Variants in SANBR observed in about 807,000 individuals in gnomAD.
The protein encoded by SANBR is SANT and BTB domain regulator of CSR.
SANBR carries 77 observed loss-of-function variants against 101.8 expected under a neutral mutation model. The ratio of observed to expected loss-of-function variants is 0.76; its 90% CI spans 0.63 to 0.91. SANBR has a LOEUF of 0.91. SANBR is among the 40% of genes least tolerant of loss of function. SANBR has a pLI of 0.00. For missense variants in SANBR, 875 were observed against 853.0 expected (o/e 1.03, Z -0.32); for synonymous variants, 279 against 274.7 (o/e 1.02, Z -0.15).
At chr2:61,131,205 G>T (rs958792727) in intron 20 of SANBR, among the ~76,000 whole-genome samples, 1 of 152,016 alleles carries the variant, frequency 6.6e-6, no homozygotes, top group Non-Finnish European at 1.5e-5. Flanking sequence ...AGCCAGAGCA[G>T]TTGGGCCCAA....
At chr2:61,096,899 A>G (rs1683056676) in intron 11 of SANBR, among the ~76,000 whole-genome samples, 1 of 152,210 alleles carries the variant, frequency 6.6e-6, no homozygotes, top group Non-Finnish European at 1.5e-5. Flanking sequence ...CACGCCTGTA[A>G]TCCCAGCACT....
At chr2:61,121,522 T>G in intron 21 of SANBR, 1 of 328,990 alleles carries the variant, frequency 3.0e-6, no homozygotes, top group Non-Finnish European at 5.7e-6. Context: ...CTGAGCCAAC[T>G]CCTGATAAAA....
chr2:61,081,320 C>T, intron 6 of SANBR, 132 bp from the exon 7 acceptor site: 1 of 857,988 alleles, frequency 1.2e-6, no homozygotes, highest in Non-Finnish European at 1.7e-6. Flanking sequence ...TGTATCTAAC[C>T]CATAAGCTAT....
chr2:61,125,106 A>T (rs185753760), downstream of SANBR, among the ~76,000 whole-genome samples: 1 of 152,296 alleles, frequency 6.6e-6, no homozygotes, highest in Admixed American at 6.5e-5. Flanking sequence ...TTTAAAGCTG[A>T]TCTATTGGGG....
intron 1 of SANBR, among the ~76,000 whole-genome samples, chr2:61,068,574 A>C (rs1681299642): frequency 6.6e-6 from 1 of 152,188 alleles, no homozygotes; most frequent in East Asian, 1.9e-4. Flanking sequence ...AGACCATTGG[A>C]GCCATAGGTT....
chr2:61,136,024 G>T (rs143589083), intron 21 of SANBR, among the ~76,000 whole-genome samples: 1 of 152,314 alleles, frequency 6.6e-6, no homozygotes, highest in East Asian at 1.9e-4. Flanking sequence ...AAAAATCAAG[G>T]TTGGGCGCAT....
intron 21 of SANBR, 121 bp downstream of exon 21, chr2:61,121,397 G>T: frequency 1.7e-6 from 1 of 580,028 alleles, no homozygotes; most frequent in East Asian, 3.2e-5. Context: ...TTGTTTCAAT[G>T]ATTATATTAT....
chr2:61,097,141 G>A (rs760811299), intron 11 of SANBR, among the ~76,000 whole-genome samples: 2 of 152,134 alleles, frequency 1.3e-5, no homozygotes, highest in East Asian at 1.9e-4. Flanking sequence ...GCAACAGAGC[G>A]AGATTCCATC....
At chr2:61,133,890 T>C (rs906780258) in intron 20 of SANBR, among the ~76,000 whole-genome samples, 8 of 152,160 alleles carry the variant, frequency 5.3e-5, no homozygotes, top group African/African-American at 1.2e-4. Context: ...AGTCTGAGAG[T>C]ATACTTAAAA....
At chr2:61,070,834 T>C (rs1573581339) in intron 3 of SANBR, among the ~76,000 whole-genome samples, 2 of 151,160 alleles carry the variant, frequency 1.3e-5, no homozygotes, top group South Asian at 4.2e-4. Context: ...AGTGCAGTGG[T>C]GCCATCATGG....
At chr2:61,129,154 A>C (rs1684605621), downstream of SANBR, among the ~76,000 whole-genome samples, 1 of 152,082 alleles carries the variant, frequency 6.6e-6, no homozygotes, top group Non-Finnish European at 1.5e-5. Flanking sequence ...AAAGAAAGTT[A>C]TTGAGGCATC....
At chr2:61,109,681 GT>G (rs1297359773) in intron 16 of SANBR, among the ~76,000 whole-genome samples, 5,877 of 124,394 alleles carry the variant, frequency 0.047, 245 homozygotes, top group African/African-American at 0.18. Context: ...TTTTGTGTTT[GT>G]TTTTTTTTTT....
In SANBR at chr2:61,134,092, A is replaced by G. The variant is rs571962125; in HGVS notation, c.2029-45A>G. The G allele has an allele frequency of 1.2e-5, 20 of 1,604,534 alleles. No individual in the cohort carries two copies. The East Asian group carries it at 2.7e-4, about 22-fold the overall frequency. ...TCTTCTTGTGTTTGCCTGGGTGTGT[A>G]TATCCATCATGCATAGGGTAGTGTT... is the stretch of plus-strand genomic sequence containing the variant. On this transcript the variant is annotated intron_variant, in intron 20 of 21. Coordinates refer to the SANBR transcript ENST00000295031.
chr2:61,106,658 A>G lies in SANBR; in HGVS notation c.1607A>G (p.Asn536Ser). The G allele has an allele frequency of 1.9e-6, 3 of 1,556,936 alleles. No homozygotes were observed. Among genetic ancestry groups the G allele is most frequent in the South Asian group, 1.2e-5 (1 of 83,522 alleles). Residue 536 changes from asparagine (N) to serine (S), a missense_variant, in exon 14 of 22, where the codon AAT becomes AGT. Asn to Ser is a conservative substitution (Grantham distance 46). Coordinates refer to ENST00000402291, the MANE Select transcript of SANBR (RefSeq NM_001129993.3). ...TPWGPKTGEL[N>S]AFLSLKNWTL... The stretch of plus-strand genomic sequence containing the variant: ...TGGGGTCCCAAAACTGGGGAGCTCA[A>G]TGCTGTGAGTAGTTTTTTTTCACTT...
intron 20 of SANBR, among the ~76,000 whole-genome samples, chr2:61,130,929 C>CAAAAAA (rs59171411): frequency 0.077 from 1,025 of 13,238 alleles, 422 homozygotes; most frequent in Middle Eastern, 0.5. Flanking sequence ...GACTCTGTCT[C>CAAAAAA]AAAAAAAAAA....
At chr2:61,076,647 G>T (rs1485043780) in intron 5 of SANBR, among the ~76,000 whole-genome samples, 1 of 148,588 alleles carries the variant, frequency 6.7e-6, no homozygotes, top group Admixed American at 6.7e-5. Context: ...AAAAAAGAAA[G>T]AAAAAGAAAT....
At chr2:61,095,116 GT>G (rs1573625776) in intron 11 of SANBR, among the ~76,000 whole-genome samples, 1 of 152,158 alleles carries the variant, frequency 6.6e-6, no homozygotes, top group African/African-American at 2.4e-5. Flanking sequence ...TCAGGTTTGG[GT>G]TTTTTGTTAA....
chr2:61,070,484 G>T lies in SANBR; in HGVS notation c.134G>T (p.Gly45Val). The change falls in exon 3 of 22, where the codon GGA (glycine) becomes GTA (valine). Residue 45 changes from glycine (G) to valine (V), a missense_variant. By Grantham distance (109) the Gly-to-Val change is moderately radical. Transcript: ENST00000402291. ...NWETIARLVP[G>V]LTPKECAKRF... is the part of the protein sequence containing the mutation. ...GAAACTATAGCAAGGCTCGTGCCTG[G>T]ATTAACACCAAAAGAGGTAAATAAC... is the stretch of plus-strand genomic sequence containing the variant. 1 of 1,605,762 alleles carries T rather than the reference G, an allele frequency of 6.2e-7. No individual in the cohort carries two copies.
chr2:61,137,678 C>G (rs1684891878), exon 22 of SANBR: 1 of 151,722 alleles, frequency 6.6e-6, no homozygotes, highest in Non-Finnish European at 1.5e-5. Flanking sequence ...TACCCACCAC[C>G]CAGCATTTTT....
Sources: allele counts gnomAD v4.1 joint callset (sites outside exome capture counted in the v4.1 genomes callset), GRCh38; gene constraint gnomAD v4.1.1; transcripts MANE v1.5; gene names NCBI Gene and HGNC (gene_info 2026-07-23, HGNC 2026-07-21).